The following ASPA variants were observed in gnomAD, a reference collection of about 807,000 sequenced individuals.
ASPA encodes the protein ACY-2.
ASPA carries 25 observed loss-of-function variants against 29.6 expected under a neutral mutation model. The ratio of observed to expected loss-of-function variants is 0.85; its 90% CI spans 0.62 to 1.18. The LOEUF is 1.18. ASPA is among the 50% of genes most tolerant of loss of function. The pLI, the probability that ASPA is intolerant of heterozygous loss-of-function variation, is 0.00. For missense variants in ASPA, 333 were observed against 385.7 expected, an observed-to-expected ratio of 0.86 and a Z score of 1.14; for synonymous variants, 131 against 130.3, an observed-to-expected ratio of 1.01 and a Z score of -0.04.
rs1395402673 is a variant in ASPA at position 3,485,670 on chromosome 17, C to T, written c.526+2078C>T. On this transcript the variant is annotated intron_variant, in intron 3 of 5. Coordinates refer to ENST00000263080, the MANE Select transcript of ASPA (RefSeq NM_000049.4). This position sits in a 1 kb window ranked among gnomAD's most constrained non-coding sequence, Gnocchi z 4.4. ...CCAGTGACCTACTCCAGGTTGTTTT[C>T]TGACCCTCTCCTTATCAAGACCTGT... Among the ~76,000 whole-genome samples, 1 of 152,230 alleles carries T rather than the reference C, an allele frequency of 6.6e-6. No individual in the cohort carries two copies. The highest frequency in any genetic ancestry group is 1.5e-5 in the Non-Finnish European group (1 of 68,044).
At position 3,488,633 on chromosome 17, in the gene ASPA, G is replaced by A. The variant is rs750917054; in HGVS notation, c.527-602G>A. On this transcript the variant is annotated intron_variant, in intron 3 of 5. Transcript: ENST00000263080. The surrounding 1 kb of genome is among the most constrained non-coding windows in gnomAD (Gnocchi z 6.1). ...AATCACACCACTGTACTCCAGCCTG[G>A]GTGACAGAGTGAGACTCTGTCTCGA... Among the ~76,000 whole-genome samples the A allele has an allele frequency of 1.3e-5, 2 of 152,080 alleles. No homozygotes were observed. Among genetic ancestry groups the A allele is most frequent in the Non-Finnish European group, 2.9e-5 (2 of 68,022 alleles).
At chr17:3,493,560 CAAAAAAAAAAA>C (rs746229421) in intron 4 of ASPA, among the ~76,000 whole-genome samples, 39 of 56,386 alleles carry the variant, frequency 6.9e-4, no homozygotes, top group African/African-American at 2.3e-3. Flanking sequence ...GGTTCCATCT[CAAAAAAAAAAA>C]AAAAAAAAAA....
chr17:3,480,290 G>C (rs189443963), intron 1 of ASPA, among the ~76,000 whole-genome samples: 1 of 152,344 alleles, frequency 6.6e-6, no homozygotes, highest in East Asian at 1.9e-4. Context: ...ACACAGAGCC[G>C]GCTGTACAGA....
upstream of ASPA, chr17:3,475,447 T>A (rs1326367650): frequency 6.6e-6 from 1 of 152,296 alleles, no homozygotes; most frequent in African/African-American, 2.4e-5. Flanking sequence ...CATAAGTAAG[T>A]TAACACAGAA....
rs1168876156 is a variant in ASPA at position 3,498,976 on chromosome 17, C to G, written c.830C>G (p.Thr277Ser). ...GKTIPLGGDC[T>S]VYPVFVNEAA... is the part of the protein sequence containing the mutation. The stretch of plus-strand genomic sequence containing the variant: ...ACGATCCCACTGGGCGGAGACTGTA[C>G]CGTGTACCCCGTGTTTGTGAATGAG... The change falls in exon 6 of 6, where the codon ACC (threonine) becomes AGC (serine). Residue 277 changes from threonine (T) to serine (S), a missense_variant. Thr to Ser is a moderately conservative substitution (Grantham distance 58). Coordinates refer to ENST00000263080, the MANE Select transcript of ASPA (RefSeq NM_000049.4). 1 of 1,614,016 alleles carries G rather than the reference C, an allele frequency of 6.2e-7. No individual in the cohort carries two copies. The highest frequency in any genetic ancestry group is 1.3e-5 in the African/African-American group (1 of 74,906).
intron 1 of ASPA, among the ~76,000 whole-genome samples, chr17:3,481,037 T>A (rs2073618957): frequency 6.6e-6 from 1 of 152,058 alleles, no homozygotes; most frequent in African/African-American, 2.4e-5. Flanking sequence ...ATGGGAAGAT[T>A]GCTTGAGCCC....
chr17:3,495,556 GTTTTTGTTTTTGT>G (rs1378356020), intron 5 of ASPA, among the ~76,000 whole-genome samples: 2 of 7,660 alleles, frequency 2.6e-4, no homozygotes, highest in Non-Finnish European at 1.4e-3. Flanking sequence ...GTTTGTTTTT[GTTTTTGTTTTTGT>G]TTTTGTTTTT....
In ASPA at chr17:3,488,828, G is replaced by A. The variant is rs142260453; in HGVS notation, c.527-407G>A. Among the ~76,000 whole-genome samples, 22 of 152,142 alleles carry A rather than the reference G, an allele frequency of 1.4e-4. No homozygotes were observed. The highest frequency in any genetic ancestry group is 3.9e-4 in the East Asian group (2 of 5,186). ...TATAAAAATAGATGTCCTTCCTCCC[G>A]TCACAGCTAAATGTTAGATCTTAAC... On this transcript the variant is annotated intron_variant, in intron 3 of 5. Transcript: ENST00000263080. This position sits in a 1 kb window ranked among gnomAD's most constrained non-coding sequence, Gnocchi z 6.1.
At chr17:3,495,739 T>C (rs575373440) in intron 5 of ASPA, among the ~76,000 whole-genome samples, 2 of 152,208 alleles carry the variant, frequency 1.3e-5, no homozygotes, top group East Asian at 1.9e-4. Context: ...CGGCTAACTT[T>C]TGTATTTTTA....
At position 3,501,337 on chromosome 17, in the gene ASPA, A is replaced by G. The variant is rs1282652303; in HGVS notation, c.*2249A>G. 3 of 152,240 alleles carry G rather than the reference A, an allele frequency of 2.0e-5. No individual in the cohort carries two copies. Among genetic ancestry groups the G allele is most frequent in the African/African-American group, 7.2e-5 (3 of 41,456 alleles). The allele number at this position is 152,240 out of a possible 1,614,324, so 9.4% of individuals were successfully genotyped here. ...AGGAGATCAAAATATCAACATTAAC[A>G]GGAGTTTGGAAAAAGTGAATTCCAA... On this transcript the variant is annotated 3_prime_UTR_variant, in exon 6 of 6. Transcript: ENST00000263080.
At chr17:3,496,792 A>T (rs62071299) in intron 5 of ASPA, among the ~76,000 whole-genome samples, 194 of 152,074 alleles carry the variant, frequency 1.3e-3, no homozygotes, top group African/African-American at 2.9e-3. Context: ...CCTGGCCAGG[A>T]GCGGTGGCTC....
In ASPA at chr17:3,503,381, T is replaced by G. The variant is rs944289878; in HGVS notation, c.*4293T>G. On this transcript the variant is annotated 3_prime_UTR_variant, in exon 6 of 6. Transcript: ENST00000263080. The stretch of plus-strand genomic sequence containing the variant: ...TGTACTTTACCAAAATTATTTACAT[T>G]GGAATAAACTCTCTTCCTTCTGAAT... 9 of 152,206 alleles carry G rather than the reference T, an allele frequency of 5.9e-5. No homozygotes were observed. The highest frequency in any genetic ancestry group is 2.2e-4 in the African/African-American group (9 of 41,448). The allele number at this position is 152,206 out of a possible 1,614,324, so 9.4% of individuals were successfully genotyped here. A position where few individuals can be genotyped will look rare whatever the true frequency, so the allele number is the denominator to read the frequency against.
chr17:3,494,609 C>T (rs895991660), intron 5 of ASPA, 150 bp downstream of exon 5: 5 of 694,404 alleles, frequency 7.2e-6, no homozygotes, highest in African/African-American at 1.8e-5. Flanking sequence ...TTCGGACTGT[C>T]GCTCAATAAA....
chr17:3,497,042 G>C (rs2073921169), intron 5 of ASPA, among the ~76,000 whole-genome samples: 1 of 152,166 alleles, frequency 6.6e-6, no homozygotes, highest in Non-Finnish European at 1.5e-5. Context: ...CTCCAGCCTG[G>C]ACAGAGCTGA....
intron 4 of ASPA, among the ~76,000 whole-genome samples, chr17:3,493,560 CA>C (rs746229421): frequency 4.2e-3 from 239 of 56,374 alleles, no homozygotes; most frequent in African/African-American, 0.016. Flanking sequence ...GGTTCCATCT[CA>C]AAAAAAAAAA....
chr17:3,482,350 CT>C (rs2073645482), intron 2 of ASPA, among the ~76,000 whole-genome samples: 1 of 152,154 alleles, frequency 6.6e-6, no homozygotes, highest in Non-Finnish European at 1.5e-5. Flanking sequence ...TCTTTCAGTA[CT>C]TCATAATCAT....
chr17:3,476,025 C>T lies in ASPA; in HGVS notation c.-135C>T, dbSNP rs1352543001. The T allele has an allele frequency of 9.0e-6, 7 of 776,894 alleles. No individual in the cohort carries two copies. Among genetic ancestry groups the T allele is most frequent in the African/African-American group, 5.2e-5 (3 of 57,332 alleles). 48.1% of individuals were successfully genotyped at this position (776,894 alleles called of 1,614,324 possible). ...ACTTGTAACAGAAAATTAAAATATA[C>T]TCCACTCAAGGGAATTCTGTACTTT... On this transcript the variant is annotated 5_prime_UTR_variant, in exon 1 of 6. Coordinates refer to ENST00000263080, the MANE Select transcript of ASPA (RefSeq NM_000049.4).
intron 4 of ASPA, among the ~76,000 whole-genome samples, chr17:3,491,575 T>C (rs1386920266): frequency 6.6e-6 from 1 of 151,960 alleles, no homozygotes; most frequent in Non-Finnish European, 1.5e-5. Context: ...GGGGAAAACC[T>C]TGTCTCTACT....
chr17:3,497,154 T>C (rs2073922864), intron 5 of ASPA, among the ~76,000 whole-genome samples: 1 of 152,178 alleles, frequency 6.6e-6, no homozygotes, highest in Admixed American at 6.5e-5. Flanking sequence ...TCAATTGAGT[T>C]CACCAGGTGA....
Sources: gnomAD v4.1 joint callset for allele counts (sites outside exome capture counted in the v4.1 genomes callset) on GRCh38, gnomAD v4.1.1 for gene constraint, Gnocchi (gnomAD v3.1) non-coding constraint, MANE v1.5 for transcripts, NCBI Gene and HGNC (gene_info 2026-07-23, HGNC 2026-07-21) for gene names.